PPP1R14C: variants seen among roughly 807,000 people sequenced by gnomAD.
PPP1R14C encodes protein phosphatase 1 regulatory inhibitor subunit 14C, also known as protein phosphatase 1 regulatory subunit 14C.
A neutral mutation model predicts 20.4 loss-of-function variants in PPP1R14C; 16 were observed. The ratio of observed to expected loss-of-function variants is 0.78; its 90% CI spans 0.53 to 1.19. The LOEUF (loss-of-function observed/expected upper bound fraction) is 1.19, where lower values mean the gene tolerates loss of function less well. Among genes scored for constraint, PPP1R14C ranks in the 50% most tolerant of loss-of-function variants. The pLI, the probability that PPP1R14C is intolerant of heterozygous loss-of-function variation, is 0.00. For synonymous variants in PPP1R14C, 91 were observed against 91.0 expected, an observed-to-expected ratio of 1.00 and a Z score of 0.00; for missense variants, 211 against 220.1, an observed-to-expected ratio of 0.96 and a Z score of 0.26.
At chr6:150,236,411 G>A (rs907153330) in intron 3 of PPP1R14C, among the ~76,000 whole-genome samples, 26 of 152,110 alleles carry the variant, frequency 1.7e-4, no homozygotes, top group Non-Finnish European at 2.4e-4. Context: ...AGGTCCATGC[G>A]GTGCATTCTC....
intron 1 of PPP1R14C, among the ~76,000 whole-genome samples, chr6:150,179,919 G>T (rs774235814): frequency 2.0e-5 from 3 of 152,138 alleles, no homozygotes; most frequent in African/African-American, 7.2e-5. Flanking sequence ...TAACTGAGAT[G>T]GGCCAGGCAC....
At chr6:150,149,299 A>ATGTGTG (rs141854673) in intron 1 of PPP1R14C, among the ~76,000 whole-genome samples, 2,363 of 147,424 alleles carry the variant, frequency 0.016, 55 homozygotes, top group African/African-American at 0.055. Context: ...CTCCATACAT[A>ATGTGTG]TGTGTGTGTG....
At chr6:150,186,694 C>T (rs575629263) in intron 1 of PPP1R14C, among the ~76,000 whole-genome samples, 64 of 152,030 alleles carry the variant, frequency 4.2e-4, no homozygotes, top group Non-Finnish European at 4.7e-4. Flanking sequence ...GGGCCTGAGG[C>T]GGGGGATGAC....
rs115219922 is a variant in PPP1R14C, at chr6:150,226,588, A to G, written c.423+9732A>G. ...ATGTGGGCTTGAGGGCATCTGCCTT[A>G]CCGTCTGTTAGGGGAGTTGTCTAGT... On this transcript the variant is annotated intron_variant, in intron 3 of 3. Transcript: ENST00000361131. Among the ~76,000 whole-genome samples, 270 of 152,288 alleles carry G rather than the reference A, an allele frequency of 1.8e-3. 1 individual carries two copies. The highest frequency in any genetic ancestry group is 5.9e-3 in the African/African-American group (247 of 41,566).
intron 3 of PPP1R14C, among the ~76,000 whole-genome samples, chr6:150,220,108 G>A (rs935990176): frequency 6.6e-6 from 1 of 152,164 alleles, no homozygotes; most frequent in Non-Finnish European, 1.5e-5. Flanking sequence ...ACCCACCTTG[G>A]CCTTCCAAAG....
At chr6:150,158,601 C>G (rs1416475490) in intron 1 of PPP1R14C, among the ~76,000 whole-genome samples, 1 of 152,150 alleles carries the variant, frequency 6.6e-6, no homozygotes, top group Non-Finnish European at 1.5e-5. Context: ...TGATAACTAT[C>G]AGTAGTGCTT....
intron 3 of PPP1R14C, among the ~76,000 whole-genome samples, chr6:150,247,721 A>G (rs1413538319): frequency 6.6e-6 from 1 of 152,036 alleles, no homozygotes; most frequent in Non-Finnish European, 1.5e-5. Flanking sequence ...AAAGACTCTT[A>G]GTGTGATCTA....
chr6:150,215,691 A>G (rs2114911231), intron 2 of PPP1R14C, among the ~76,000 whole-genome samples: 1 of 152,366 alleles, frequency 6.6e-6, no homozygotes, highest in African/African-American at 2.4e-5. Flanking sequence ...ATAAAATTTT[A>G]AAAAGATAAC....
At chr6:150,184,533 T>TC (rs1347989611) in intron 1 of PPP1R14C, among the ~76,000 whole-genome samples, 1 of 152,144 alleles carries the variant, frequency 6.6e-6, no homozygotes, top group African/African-American at 2.4e-5. Flanking sequence ...ATCCCTTTTG[T>TC]CCCCTCCCCC....
chr6:150,232,182 T>G (rs1033613566), intron 3 of PPP1R14C, among the ~76,000 whole-genome samples: 20 of 151,704 alleles, frequency 1.3e-4, no homozygotes, highest in African/African-American at 4.8e-4. Flanking sequence ...GTTGAGACAT[T>G]TTTTTTTTCC....
At chr6:150,247,836 A>T (rs373661992) in intron 3 of PPP1R14C, among the ~76,000 whole-genome samples, 2 of 152,208 alleles carry the variant, frequency 1.3e-5, no homozygotes, top group South Asian at 4.2e-4. Context: ...ACTGAATCAC[A>T]AACACTAGTG....
chr6:150,166,360 C>G (rs1450248364), intron 1 of PPP1R14C, among the ~76,000 whole-genome samples: 1 of 152,008 alleles, frequency 6.6e-6, no homozygotes, highest in African/African-American at 2.4e-5. Context: ...GATTACAGGC[C>G]TGAGCCACCG....
chr6:150,219,188 C>T (rs1038048544), intron 3 of PPP1R14C, among the ~76,000 whole-genome samples: 3 of 151,560 alleles, frequency 2.0e-5, no homozygotes, highest in Non-Finnish European at 4.4e-5. Context: ...TTTGTATAGC[C>T]CTTTGTTTCT....
At chr6:150,227,933 A>G (rs1778248610) in intron 3 of PPP1R14C, among the ~76,000 whole-genome samples, 1 of 152,232 alleles carries the variant, frequency 6.6e-6, no homozygotes, top group African/African-American at 2.4e-5. Flanking sequence ...ACAATTGCTC[A>G]CATACTTTCA....
At chr6:150,156,024 CAAAAAAA>C (rs67908012) in intron 1 of PPP1R14C, among the ~76,000 whole-genome samples, 1,188 of 38,330 alleles carry the variant, frequency 0.031, 6 homozygotes, top group African/African-American at 0.11. Flanking sequence ...GACTCTGTCT[CAAAAAAA>C]AAAAAAAAAA....
intron 1 of PPP1R14C, among the ~76,000 whole-genome samples, chr6:150,191,841 G>A (rs1777749772): frequency 6.6e-6 from 1 of 152,172 alleles, no homozygotes; most frequent in Admixed American, 6.5e-5. Context: ...CTTTAAAAGA[G>A]GGAGACCTTA....
chr6:150,167,943 G>A (rs80095188), intron 1 of PPP1R14C, among the ~76,000 whole-genome samples: 3 of 9,976 alleles, frequency 3.0e-4, no homozygotes, highest in African/African-American at 1.2e-3. Context: ...CCATGTCTCC[G>A]TTCTCCCCTT....
chr6:150,180,411 T>C (rs1777608173), intron 1 of PPP1R14C, among the ~76,000 whole-genome samples: 1 of 152,312 alleles, frequency 6.6e-6, no homozygotes, highest in South Asian at 2.1e-4. Flanking sequence ...ATCTGTAAGA[T>C]GGGGATATTA....
chr6:150,238,652 G>A (rs1211537940), intron 3 of PPP1R14C, among the ~76,000 whole-genome samples: 1 of 152,248 alleles, frequency 6.6e-6, no homozygotes, highest in Non-Finnish European at 1.5e-5. Context: ...TTTCCCAGCT[G>A]GCCTGGGAGC....
Sources: allele counts gnomAD v4.1 joint callset (sites outside exome capture counted in the v4.1 genomes callset), GRCh38; gene constraint gnomAD v4.1.1; transcripts MANE v1.5; gene names NCBI Gene and HGNC (gene_info 2026-07-23, HGNC 2026-07-21).